RNF43: variants seen among roughly 807,000 people sequenced by gnomAD.
RNF43 encodes the protein ring finger protein 43.
Under a neutral mutation model 78.4 loss-of-function variants are expected in RNF43, and 37 were observed. The ratio of observed to expected loss-of-function variants is 0.47; its 90% confidence interval spans 0.36 to 0.62. The LOEUF (loss-of-function observed/expected upper bound fraction) is 0.62. Ranked by LOEUF, RNF43 falls within the 20% of genes least tolerant of loss-of-function variation. The pLI is 0.00. For synonymous variants in RNF43, 347 were observed against 395.0 expected, an observed-to-expected ratio of 0.88 and a Z score of 1.44; for missense variants, 774 against 1,007.9, an observed-to-expected ratio of 0.77 and a Z score of 3.14.
At position 58,360,728 on chromosome 17, in the gene RNF43, C is replaced by T. The variant is rs1972817401; in HGVS notation, c.849+55G>A. 6.5e-7 allele frequency: 1 copy of T among 1,544,680 alleles called. No homozygotes were observed. Among genetic ancestry groups the T allele is most frequent in the Non-Finnish European group, 8.7e-7 (1 of 1,143,994 alleles). On this transcript the variant is annotated intron_variant, in intron 7 of 9. Transcript: ENST00000407977. This position sits in a 1 kb window ranked among gnomAD's most constrained non-coding sequence, Gnocchi z 4.3. ...GCCCCTAGGCCTGCCCACCCCTCCC[C>T]CAGCTTCAATCTCCCCAGTCTGGTC...
chr17:58,361,084 G>A, intron 6 of RNF43, 140 bp from the exon 7 acceptor site: 1 of 829,502 alleles, frequency 1.2e-6, no homozygotes, highest in Non-Finnish European at 1.7e-6. Flanking sequence ...TCTCCTCGGA[G>A]CTCATATGTG....
chr17:58,397,046 A>T (rs1407317021), intron 2 of RNF43, among the ~76,000 whole-genome samples: 2 of 52,588 alleles, frequency 3.8e-5, no homozygotes, highest in African/African-American at 7.2e-5. Flanking sequence ...CTTAGAAATA[A>T]AAAAAAAAAA....
chr17:58,379,813 A>C (rs565242572), intron 2 of RNF43, among the ~76,000 whole-genome samples: 4 of 152,380 alleles, frequency 2.6e-5, no homozygotes, highest in African/African-American at 9.6e-5. Context: ...AATCATAGAC[A>C]GGAGAAAAAT....
chr17:58,389,045 G>T (rs1598154162), intron 2 of RNF43, among the ~76,000 whole-genome samples: 1 of 152,146 alleles, frequency 6.6e-6, no homozygotes, highest in Non-Finnish European at 1.5e-5. Context: ...TTCTTCAGGG[G>T]ATCTCATTAT....
intron 3 of RNF43, among the ~76,000 whole-genome samples, chr17:58,365,309 A>C (rs1246558382): frequency 2.0e-5 from 3 of 152,132 alleles, no homozygotes; most frequent in Non-Finnish European, 4.4e-5. Flanking sequence ...AGGACAGGAG[A>C]GGTCACCCCA....
At chr17:58,362,436 G>A in intron 6 of RNF43, 108 bp downstream of exon 6, 1 of 704,078 alleles carries the variant, frequency 1.4e-6, no homozygotes. Flanking sequence ...GATGTAAATG[G>A]TTCCATAGGT....
chr17:58,361,020 G>T, intron 6 of RNF43, 76 bp from the exon 7 acceptor site: 1 of 1,408,166 alleles, frequency 7.1e-7, no homozygotes, highest in Non-Finnish European at 9.5e-7. Flanking sequence ...CTTGGACTCC[G>T]TTCCCAGTCA....
intron 2 of RNF43, among the ~76,000 whole-genome samples, chr17:58,384,623 G>T (rs1040792674): frequency 9.9e-5 from 15 of 152,168 alleles, no homozygotes; most frequent in African/African-American, 3.6e-4. Context: ...AAGAGACAAT[G>T]CAATGCATAT....
chr17:58,353,762 A>G lies in RNF43; in HGVS notation c.*1181T>C, dbSNP rs990713024. ...CTGTCTGGTTCAGATATAAATACCC[A>G]TGTGGGTACCTAGGTGCTAGTCTCC... On this transcript the variant is annotated 3_prime_UTR_variant, in exon 10 of 10. Coordinates refer to ENST00000407977, the MANE Select transcript of RNF43 (RefSeq NM_017763.6). The G allele has an allele frequency of 9.7e-6, 2 of 205,196 alleles. No individual in the cohort carries two copies. Among genetic ancestry groups the G allele is most frequent in the Non-Finnish European group, 2.0e-5 (2 of 99,920 alleles). 12.7% of individuals were successfully genotyped at this position (205,196 alleles called of 1,614,324 possible).
intron 6 of RNF43, among the ~76,000 whole-genome samples, chr17:58,362,242 T>C (rs947770218): frequency 6.6e-6 from 1 of 152,154 alleles, no homozygotes; most frequent in Non-Finnish European, 1.5e-5. Flanking sequence ...TATTGTCTGT[T>C]TTTTCCCTCT....
rs569400929 is a variant in RNF43 at position 58,358,837 on chromosome 17, C to G, written c.953-14G>C. On this transcript the variant is annotated splice_polypyrimidine_tract_variant and intron_variant, in intron 8 of 9. Coordinates refer to ENST00000407977, the MANE Select transcript of RNF43 (RefSeq NM_017763.6). The surrounding 1 kb of genome is among the most constrained non-coding windows in gnomAD (Gnocchi z 6.2). Reference sequence around the variant, plus strand: ...ATGAATCTCCCTCTGGAAAAAAGAACCAAGAGCACAGATGTTTAACTCTAC... The same window carrying G: ...ATGAATCTCCCTCTGGAAAAAAGAAGCAAGAGCACAGATGTTTAACTCTAC... The G allele has an allele frequency of 6.8e-7, 1 of 1,478,828 alleles. No individual in the cohort carries two copies. 91.6% of individuals were successfully genotyped at this position (1,478,828 alleles called of 1,614,324 possible). A position where few individuals can be genotyped will look rare whatever the true frequency, so the allele number is the denominator to read the frequency against.
In RNF43 at chr17:58,370,873, G is replaced by T. The variant is rs765648527; in HGVS notation, c.375+38C>A. 7 of 1,525,058 alleles carry T rather than the reference G, an allele frequency of 4.6e-6. No individual in the cohort carries two copies. The South Asian group carries it at 9.0e-5, about 20-fold the overall frequency. The allele number at this position is 1,525,058 out of a possible 1,614,324, so 94.5% of individuals were successfully genotyped here. The stretch of plus-strand genomic sequence containing the variant: ...GTCTTCTCACAGCCCAGAGCTGGGT[G>T]AAGCTCCGGGTGTGTGTAGGGCGAA... On this transcript the variant is annotated intron_variant, in intron 3 of 9. Coordinates refer to ENST00000407977, the MANE Select transcript of RNF43 (RefSeq NM_017763.6).
chr17:58,377,591 T>C (rs1165573791), intron 2 of RNF43, among the ~76,000 whole-genome samples: 5 of 152,174 alleles, frequency 3.3e-5, no homozygotes, highest in Non-Finnish European at 7.3e-5. Context: ...CCCTTATCCA[T>C]GGCATCTCCT....
At chr17:58,387,471 T>C (rs530978945) in intron 2 of RNF43, among the ~76,000 whole-genome samples, 1 of 151,752 alleles carries the variant, frequency 6.6e-6, no homozygotes, top group Non-Finnish European at 1.5e-5. Flanking sequence ...GCCAACATGG[T>C]GAAACCCCAT....
intron 2 of RNF43, among the ~76,000 whole-genome samples, chr17:58,390,568 A>T (rs2143599605): frequency 6.6e-6 from 1 of 152,322 alleles, no homozygotes; most frequent in Middle Eastern, 3.4e-3. Flanking sequence ...CAGTAGCCTT[A>T]AAACTATATG....
chr17:58,358,463 G>A lies in RNF43; in HGVS notation c.1313C>T (p.Ala438Val). 6.2e-7 allele frequency: 1 copy of A among 1,613,970 alleles called. No individual in the cohort carries two copies. Among genetic ancestry groups the A allele is most frequent in the Non-Finnish European group, 8.5e-7 (1 of 1,179,968 alleles). Residue 438 changes from alanine to valine, a missense_variant, in exon 9 of 10, where the codon GCC (alanine) becomes GTC (valine). Physicochemically the swap from Ala to Val is moderately conservative, Grantham distance 64 (BLOSUM62 0). Coordinates refer to ENST00000407977, the MANE Select transcript of RNF43 (RefSeq NM_017763.6). This position sits in a 1 kb window ranked among gnomAD's most constrained non-coding sequence, Gnocchi z 6.2. ...PAACPVPLRRARPPDSSGSGE... is the reference protein window; with the variant it reads ...PAACPVPLRRVRPPDSSGSGE... ...AGATCCACTGCTGTCAGGGGGCCTG[G>A]CCCGGCGTAGGGGCACTGGGCAAGC...
At chr17:58,371,059 A>G (rs1346744248) in intron 2 of RNF43, 26 bp from the exon 3 acceptor site, 1 of 1,545,260 alleles carries the variant, frequency 6.5e-7, no homozygotes, top group South Asian at 1.2e-5. Flanking sequence ...GACTTGGGTT[A>G]GGGAGGCTTT....
chr17:58,362,757 G>A lies in RNF43; in HGVS notation c.583-109C>T, dbSNP rs1972865238. On this transcript the variant is annotated intron_variant, in intron 5 of 9. Transcript: ENST00000407977. ...CACATAGCTAACTGGAGGTTCCCTT[G>A]AGTCCTCCATCTGAGGGGATGGAGA... is the stretch of plus-strand genomic sequence containing the variant. 6.4e-6 allele frequency: 5 copies of A among 778,574 alleles called. No individual in the cohort carries two copies. The East Asian group carries it at 1.4e-4, about 22-fold the overall frequency. The allele number at this position is 778,574 out of a possible 1,614,324, so 48.2% of individuals were successfully genotyped here.
At chr17:58,397,985 C>G (rs931410032) in intron 2 of RNF43, among the ~76,000 whole-genome samples, 2 of 152,176 alleles carry the variant, frequency 1.3e-5, no homozygotes, top group Non-Finnish European at 2.9e-5. Context: ...CACTCCCTAT[C>G]CCTCTTTTTT....
Sources: allele counts gnomAD v4.1 joint callset (sites outside exome capture counted in the v4.1 genomes callset), GRCh38; gene constraint gnomAD v4.1.1; non-coding constraint Gnocchi (gnomAD v3.1); transcripts MANE v1.5; gene names NCBI Gene and HGNC (gene_info 2026-07-23, HGNC 2026-07-21).